Variants in LIPC observed in about 807,000 individuals in gnomAD.
The protein encoded by LIPC is hepatic triacylglycerol lipase.
In LIPC, 44 loss-of-function variants were observed where a neutral mutation model predicts 50.7. The ratio of observed to expected loss-of-function variants is 0.87; its 90% CI spans 0.68 to 1.11. LIPC has a LOEUF of 1.11. Among genes scored for constraint, LIPC ranks in the 50% most tolerant of loss-of-function variants. The pLI, the probability that LIPC is intolerant of heterozygous loss-of-function variation, is 0.00. For missense variants in LIPC, 697 were observed against 648.2 expected, an observed-to-expected ratio of 1.08 and a Z score of -0.82; for synonymous variants, 271 against 256.4, an observed-to-expected ratio of 1.06 and a Z score of -0.54.
At chr15:58,456,857 T>G (rs1476963447) in intron 1 of LIPC, among the ~76,000 whole-genome samples, 1 of 152,246 alleles carries the variant, frequency 6.6e-6, no homozygotes, top group African/African-American at 2.4e-5. Context: ...TACTTTACCA[T>G]GCGTAGAATG....
intron 1 of LIPC, among the ~76,000 whole-genome samples, chr15:58,535,220 C>T (rs982816356): frequency 6.6e-6 from 1 of 152,224 alleles, no homozygotes; most frequent in South Asian, 2.1e-4. Flanking sequence ...AAGCTTGCAT[C>T]CCCCACCCCA....
chr15:58,537,849 C>G (rs1566943004), intron 1 of LIPC, among the ~76,000 whole-genome samples: 1 of 152,138 alleles, frequency 6.6e-6, no homozygotes, highest in Non-Finnish European at 1.5e-5. Flanking sequence ...TCTGTCTGCA[C>G]GTGAGGACAA....
In LIPC at chr15:58,446,907, G is replaced by A. The variant is rs181430841; in HGVS notation, c.88+14787G>A. 2.2e-4 allele frequency among the ~76,000 whole-genome samples: 34 copies of A among 152,200 alleles called. 1 individual carries two copies. The East Asian group carries it at 5.6e-3, about 25-fold the overall frequency. On this transcript the variant is annotated intron_variant, in intron 1 of 8. Transcript: ENST00000299022. ...TATGCCTGTAACCACAGCACTTTGGGAGGCCAGAGGCAGGCAGATCACTTG... is the reference window on the plus strand; with the variant it reads ...TATGCCTGTAACCACAGCACTTTGGAAGGCCAGAGGCAGGCAGATCACTTG...
chr15:58,460,021 C>G (rs1209914174), intron 1 of LIPC, among the ~76,000 whole-genome samples: 1 of 152,340 alleles, frequency 6.6e-6, no homozygotes, highest in Middle Eastern at 3.4e-3. Context: ...CCTGGAGGCC[C>G]AAAGGGAAGG....
chr15:58,554,021 T>C (rs1893849538), intron 6 of LIPC, among the ~76,000 whole-genome samples: 1 of 151,864 alleles, frequency 6.6e-6, no homozygotes, highest in African/African-American at 2.4e-5. Flanking sequence ...CCCTCTTTGA[T>C]GTTTGCAAAG....
chr15:58,536,651 C>T (rs774671481), intron 1 of LIPC, among the ~76,000 whole-genome samples: 10 of 152,262 alleles, frequency 6.6e-5, no homozygotes, highest in Non-Finnish European at 1.2e-4. Context: ...TGGAAGCAGG[C>T]TTCCAGGAGT....
chr15:58,487,173 T>A (rs1274595195), intron 1 of LIPC, among the ~76,000 whole-genome samples: 1 of 152,214 alleles, frequency 6.6e-6, no homozygotes, highest in African/African-American at 2.4e-5. Flanking sequence ...TTTTCAAAGG[T>A]GGTTCTTACA....
In LIPC at chr15:58,568,721, C is replaced by A; in HGVS notation, c.1394C>A (p.Thr465Lys). 1 of 1,581,408 alleles carries A rather than the reference C, an allele frequency of 6.3e-7. No homozygotes were observed. Among genetic ancestry groups the A allele is most frequent in the Non-Finnish European group, 8.7e-7 (1 of 1,151,014 alleles). ...GCTTCCTGTTTTCTATTCAGAATGACATTTTGTTCAGAAAACACAGATGAC... is the reference window on the plus strand; with the variant it reads ...GCTTCCTGTTTTCTATTCAGAATGAAATTTTGTTCAGAAAACACAGATGAC... ...VKAGETQQRM[T>K]FCSENTDDLL... Residue 465 changes from threonine (T) to lysine (K), a missense_variant, in exon 9 of 9, where the codon ACA becomes AAA. Thr to Lys is a moderately conservative substitution (Grantham distance 78). Coordinates refer to ENST00000299022, the MANE Select transcript of LIPC (RefSeq NM_000236.3).
In LIPC at chr15:58,494,678, A is replaced by G. The variant is rs771746562; in HGVS notation, c.89-43655A>G. The G allele has an allele frequency of 9.5e-5, 42 of 444,392 alleles. No individual in the cohort carries two copies. The Middle Eastern group carries it at 1.7e-3, about 18-fold the overall frequency. The allele number at this position is 444,392 out of a possible 1,614,324, so 27.5% of individuals were successfully genotyped here. A position where few individuals can be genotyped will look rare whatever the true frequency, so the allele number is the denominator to read the frequency against. On this transcript the variant is annotated intron_variant, in intron 1 of 8. Coordinates refer to ENST00000299022, the MANE Select transcript of LIPC (RefSeq NM_000236.3). ...GTGCCAATGTATATTTCACATTGCCAATACCCAGCGTCAGATAATGAAGTT... is the reference window on the plus strand; with the variant it reads ...GTGCCAATGTATATTTCACATTGCCGATACCCAGCGTCAGATAATGAAGTT...
intron 1 of LIPC, among the ~76,000 whole-genome samples, chr15:58,456,722 T>C (rs539461196): frequency 6.6e-6 from 1 of 152,336 alleles, no homozygotes; most frequent in South Asian, 2.1e-4. Context: ...TCTTTGCAAA[T>C]GTCCCCCGCA....
chr15:58,506,268 G>T (rs1402977260), intron 1 of LIPC, among the ~76,000 whole-genome samples: 1 of 152,092 alleles, frequency 6.6e-6, no homozygotes, highest in Admixed American at 6.5e-5. Context: ...GTGTTGTTTT[G>T]CTCCTTCCAT....
intron 1 of LIPC, chr15:58,522,781 G>A (rs1043731497): frequency 6.6e-6 from 1 of 152,454 alleles, no homozygotes; most frequent in Non-Finnish European, 1.5e-5. Flanking sequence ...TCCCCTTGCA[G>A]AGCCCATCCC....
Position 58,564,654 on chromosome 15 carries a change from G to A in LIPC, c.1388+931G>A, listed in dbSNP as rs184104751. On this transcript the variant is annotated intron_variant, in intron 8 of 8. Coordinates refer to ENST00000299022, the MANE Select transcript of LIPC (RefSeq NM_000236.3). ...AGGCAGAAGAATCAGTTGAACCCAG[G>A]AGGTGGAGGTTGCAGTTAGCCGAGA... Among the ~76,000 whole-genome samples the A allele has an allele frequency of 1.7e-3, 260 of 152,262 alleles. 1 individual carries two copies. The highest frequency in any genetic ancestry group is 6.1e-3 in the African/African-American group (253 of 41,568).
At chr15:58,543,430 G>A (rs1893407551) in intron 4 of LIPC, among the ~76,000 whole-genome samples, 1 of 151,972 alleles carries the variant, frequency 6.6e-6, no homozygotes, top group South Asian at 2.1e-4. Flanking sequence ...AACGACACAA[G>A]GTTTTTCTCT....
rs544203527 is a variant in LIPC, at chr15:58,446,671, G to A, written c.88+14551G>A. ...CCATGGCGCTGGCTCCTTGCACCCA[G>A]CTATCTGCTTGCACACCTCTCTCCC... On this transcript the variant is annotated intron_variant, in intron 1 of 8. Transcript: ENST00000299022. Among the ~76,000 whole-genome samples the A allele has an allele frequency of 1.2e-3, 178 of 152,190 alleles. 1 individual carries two copies. The highest frequency in any genetic ancestry group is 4.0e-3 in the African/African-American group (167 of 41,526).
intron 6 of LIPC, among the ~76,000 whole-genome samples, chr15:58,552,007 G>A (rs1395317154): frequency 6.6e-6 from 1 of 152,146 alleles, no homozygotes; most frequent in Non-Finnish European, 1.5e-5. Context: ...GCAATTTATC[G>A]CCCACTTCCA....
rs1208883653 is a variant in LIPC at position 58,432,011 on chromosome 15, G to A, written c.-22G>A. 1.9e-6 allele frequency: 3 copies of A among 1,582,288 alleles called. No homozygotes were observed. Among genetic ancestry groups the A allele is most frequent in the Non-Finnish European group, 2.6e-6 (3 of 1,151,240 alleles). ...GCTTCAGAAATTACCAAGAAAGCCT[G>A]GACCCCGGGTGAAACGGAGAAATGG... On this transcript the variant is annotated 5_prime_UTR_variant, in exon 1 of 9. Transcript: ENST00000299022.
At position 58,545,765 on chromosome 15, in the gene LIPC, T is replaced by A. The variant is rs1263463991; in HGVS notation, c.598T>A (p.Phe200Ile). The A allele has an allele frequency of 1.9e-5, 31 of 1,614,088 alleles. No individual in the cohort carries two copies. The highest frequency in any genetic ancestry group is 2.5e-5 in the Non-Finnish European group (29 of 1,180,038). ...AGGGCTGGATGCCGCGGGACCTTTG[T>A]TTGAGGGAAGTGCCCCCAGCAATCG... ...ITGLDAAGPL[F>I]EGSAPSNRLS... is the part of the protein sequence containing the mutation. The change falls in exon 5 of 9, where the codon TTT (phenylalanine) becomes ATT (isoleucine). Residue 200 changes from phenylalanine (F) to isoleucine (I), a missense_variant. Coordinates refer to ENST00000299022, the MANE Select transcript of LIPC (RefSeq NM_000236.3).
At chr15:58,519,015 C>A (rs4775069) in intron 1 of LIPC, among the ~76,000 whole-genome samples, 1 of 152,104 alleles carries the variant, frequency 6.6e-6, no homozygotes, top group African/African-American at 2.4e-5. Flanking sequence ...TCATCCCTGA[C>A]GATGACTCTG....
Sources: allele counts gnomAD v4.1 joint callset (sites outside exome capture counted in the v4.1 genomes callset), GRCh38; gene constraint gnomAD v4.1.1; transcripts MANE v1.5; gene names NCBI Gene and HGNC (gene_info 2026-07-23, HGNC 2026-07-21).